ZMAT5: variants seen among roughly 807,000 people sequenced by gnomAD.
ZMAT5 encodes the protein zinc finger matrin-type protein 5.
ZMAT5 carries 23 observed loss-of-function variants against 28.0 expected under a neutral mutation model. That is an observed-to-expected ratio of 0.82 (90% CI 0.59 to 1.16). The LOEUF is 1.16. Among genes scored for constraint, ZMAT5 ranks in the 50% most tolerant of loss-of-function variants. The probability of loss-of-function intolerance (pLI) is 0.00; values close to 1 mark genes in which losing one functional copy is unlikely to be tolerated. For missense variants in ZMAT5, 173 were observed against 212.7 expected, an observed-to-expected ratio of 0.81 and a Z score of 1.16; for synonymous variants, 76 against 84.1, an observed-to-expected ratio of 0.90 and a Z score of 0.52.
At chr22:29,731,433 A>G in intron 5 of ZMAT5, 79 bp from the exon 6 acceptor site, 1 of 1,494,078 alleles carries the variant, frequency 6.7e-7, no homozygotes, top group Non-Finnish European at 8.8e-7. Flanking sequence ...CACCTGCCTC[A>G]CCACCCTGGC....
chr22:29,751,907 A>G (rs1601725685), intron 1 of ZMAT5, among the ~76,000 whole-genome samples: 1 of 152,244 alleles, frequency 6.6e-6, no homozygotes, highest in Middle Eastern at 3.4e-3. Context: ...CAGAGGCTGC[A>G]GTGAACTGAG....
intron 1 of ZMAT5, among the ~76,000 whole-genome samples, chr22:29,759,012 C>T (rs1043594598): frequency 6.6e-6 from 1 of 152,142 alleles, no homozygotes; most frequent in African/African-American, 2.4e-5. Context: ...GCAGACATTC[C>T]CCTCACCCCC....
intron 1 of ZMAT5, among the ~76,000 whole-genome samples, chr22:29,753,328 C>G (rs909151695): frequency 2.6e-5 from 4 of 152,176 alleles, no homozygotes; most frequent in African/African-American, 9.7e-5. Flanking sequence ...AGTTAGAGAC[C>G]AGCCTGGCCA....
At position 29,738,376 on chromosome 22, in the gene ZMAT5, AGTCCTCCAGATG is replaced by A. The variant is rs1252053776; in HGVS notation, c.325_336del (p.His109_Asp112del). On this transcript the variant is annotated inframe_deletion, in exon 5 of 6. Coordinates refer to ENST00000344318, the MANE Select transcript of ZMAT5 (RefSeq NM_001003692.2). ...AGCCGCTTGGCTCTCTTCTCCAGCC[AGTCCTCCAGATG>A]GCCCTCGGGGAGCTCAGGAGCATCT... 5.0e-6 allele frequency: 8 copies of A among 1,609,022 alleles called. No individual in the cohort carries two copies. The highest frequency in any genetic ancestry group is 1.6e-4 in the Middle Eastern group (1 of 6,076).
chr22:29,750,066 A>G (rs979671493), intron 1 of ZMAT5, among the ~76,000 whole-genome samples: 2 of 152,222 alleles, frequency 1.3e-5, no homozygotes, highest in Admixed American at 6.5e-5. Context: ...TTCTCCCACA[A>G]TGAGAATATA....
intron 1 of ZMAT5, among the ~76,000 whole-genome samples, chr22:29,763,687 CCAAGG>C (rs1301401430): frequency 1.3e-5 from 2 of 151,948 alleles, no homozygotes; most frequent in Non-Finnish European, 2.9e-5. Flanking sequence ...CTTTGGAAGG[CCAAGG>C]TGGGTGGATC....
At chr22:29,766,823 C>G (rs552773490) in intron 1 of ZMAT5, 49 bp downstream of exon 1, 10 of 153,156 alleles carry the variant, frequency 6.5e-5, no homozygotes, top group African/African-American at 2.2e-4. Context: ...GCCCCTCTAT[C>G]CACACCCTAT....
chr22:29,732,191 G>A (rs900937681), intron 5 of ZMAT5, among the ~76,000 whole-genome samples: 6 of 152,340 alleles, frequency 3.9e-5, no homozygotes, highest in South Asian at 2.1e-4. Flanking sequence ...CTCCAGGGCC[G>A]CATGGCCCTT....
rs958603772 is a variant in ZMAT5, at chr22:29,731,346, G to A, written c.392C>T (p.Pro131Leu). 9.1e-6 allele frequency: 14 copies of A among 1,542,184 alleles called. No individual in the cohort carries two copies. Among genetic ancestry groups the A allele is most frequent in the Non-Finnish European group, 1.2e-5 (14 of 1,153,828 alleles). Residue 131 changes from proline (P) to leucine (L), a missense_variant, in exon 6 of 6, where the codon CCC becomes CTC. By Grantham distance (98) the Pro-to-Leu change is moderately conservative. Coordinates refer to ENST00000344318, the MANE Select transcript of ZMAT5 (RefSeq NM_001003692.2). Reference protein sequence around the residue: ...LSSAPSSRAEPIRTTVFQYPV... With the variant: ...LSSAPSSRAELIRTTVFQYPV... ...GTACTGGAAGACAGTGGTTCTGATG[G>A]GTTCAGCCCTAGAGAGAGAGAGAGA...
chr22:29,738,020 A>C (rs2067922937), intron 5 of ZMAT5, among the ~76,000 whole-genome samples: 1 of 151,960 alleles, frequency 6.6e-6, no homozygotes, highest in African/African-American at 2.4e-5. Flanking sequence ...CATGGTGACC[A>C]CAGCCCAGGC....
chr22:29,736,983 AC>A (rs2067911529), intron 5 of ZMAT5, among the ~76,000 whole-genome samples: 2 of 149,470 alleles, frequency 1.3e-5, no homozygotes, highest in Admixed American at 1.3e-4. Flanking sequence ...AGACAATTGC[AC>A]CACTGTACTC....
chr22:29,750,306 ACAGC>A (rs1569338709), intron 1 of ZMAT5, among the ~76,000 whole-genome samples: 1 of 152,202 alleles, frequency 6.6e-6, no homozygotes, highest in African/African-American at 2.4e-5. Flanking sequence ...CCTCTCTTCC[ACAGC>A]CAGTTCAAGG....
chr22:29,738,648 TAG>T (rs1352106746), intron 4 of ZMAT5, among the ~76,000 whole-genome samples: 2 of 151,842 alleles, frequency 1.3e-5, no homozygotes, highest in African/African-American at 4.8e-5. Context: ...TCCCATCAAA[TAG>T]AGACAACCCC....
At chr22:29,761,733 G>A (rs969124568) in intron 1 of ZMAT5, among the ~76,000 whole-genome samples, 3 of 152,146 alleles carry the variant, frequency 2.0e-5, no homozygotes, top group Non-Finnish European at 4.4e-5. Flanking sequence ...GATAAGCATT[G>A]TGATTCCTAT....
intron 5 of ZMAT5, among the ~76,000 whole-genome samples, chr22:29,737,957 C>A (rs970265014): frequency 6.6e-5 from 10 of 152,002 alleles, no homozygotes; most frequent in African/African-American, 2.4e-4. Flanking sequence ...GCAAGTCGCA[C>A]CCTCCCTGTT....
intron 2 of ZMAT5, among the ~76,000 whole-genome samples, chr22:29,744,615 C>A (rs566847158): frequency 6.6e-6 from 1 of 152,034 alleles, no homozygotes; most frequent in Non-Finnish European, 1.5e-5. Flanking sequence ...AGGCAGGCGG[C>A]GGGACTGAGC....
chr22:29,749,343 G>A (rs2068037344), intron 1 of ZMAT5, among the ~76,000 whole-genome samples: 1 of 152,062 alleles, frequency 6.6e-6, no homozygotes, highest in South Asian at 2.1e-4. Context: ...AAAGTGCTGG[G>A]ATTACAGGTA....
intron 5 of ZMAT5, among the ~76,000 whole-genome samples, chr22:29,735,886 G>A (rs2067899604): frequency 6.6e-6 from 1 of 152,180 alleles, no homozygotes; most frequent in Admixed American, 6.5e-5. Context: ...GCATCTGTCT[G>A]GAACCCAGGC....
intron 5 of ZMAT5, among the ~76,000 whole-genome samples, chr22:29,734,042 G>C (rs1333673746): frequency 6.6e-6 from 1 of 152,250 alleles, no homozygotes; most frequent in East Asian, 1.9e-4. Flanking sequence ...AGAGGAAACA[G>C]AGTCGAGGAG....
Sources: allele counts gnomAD v4.1 joint callset (sites outside exome capture counted in the v4.1 genomes callset), GRCh38; gene constraint gnomAD v4.1.1; transcripts MANE v1.5; gene names NCBI Gene and HGNC (gene_info 2026-07-23, HGNC 2026-07-21).